The following EXOC3L1 variants were observed in gnomAD, a reference collection of about 807,000 sequenced individuals.
The protein encoded by EXOC3L1 is exocyst complex component 3 like 1.
Under a neutral mutation model 83.6 loss-of-function variants are expected in EXOC3L1, and 79 were observed. That is an observed-to-expected ratio of 0.95 (90% CI 0.79 to 1.14). EXOC3L1 has a LOEUF of 1.14. EXOC3L1 is among the 50% of genes most tolerant of loss of function. EXOC3L1 has a pLI of 0.00. For missense variants in EXOC3L1, 945 were observed against 972.0 expected (o/e 0.97, Z 0.37); for synonymous variants, 433 against 451.2 (o/e 0.96, Z 0.51).
rs755869767 is a variant in EXOC3L1 at position 67,185,198 on chromosome 16, C to T, written c.1687G>A (p.Val563Met). 1 of 1,613,204 alleles carries T rather than the reference C, an allele frequency of 6.2e-7. No homozygotes were observed. The highest frequency in any genetic ancestry group is 1.7e-5 in the Admixed American group (1 of 60,002). Residue 563 changes from valine (V) to methionine (M), a missense_variant, in exon 11 of 14, where the codon GTG becomes ATG. Coordinates refer to ENST00000314586, the MANE Select transcript of EXOC3L1 (RefSeq NM_178516.4). ...CAGAAGCGCCCCGTCCGTTCACACACACTTTGCAGGAGCTCAGGGCTCGAC... is the reference window on the plus strand; with the variant it reads ...CAGAAGCGCCCCGTCCGTTCACACATACTTTGCAGGAGCTCAGGGCTCGAC... The part of the protein sequence containing the change: ...WLSSPELLQS[V>M]CERTGRFCRD...
At position 67,184,825 on chromosome 16, in the gene EXOC3L1, G is replaced by A. The variant is rs771969854; in HGVS notation, c.1906-15C>T. 2 of 1,604,868 alleles carry A rather than the reference G, an allele frequency of 1.2e-6. No homozygotes were observed. The highest frequency in any genetic ancestry group is 1.7e-6 in the Non-Finnish European group (2 of 1,179,708). On this transcript the variant is annotated splice_polypyrimidine_tract_variant and intron_variant, in intron 12 of 13. Coordinates refer to ENST00000314586, the MANE Select transcript of EXOC3L1 (RefSeq NM_178516.4). Reference sequence around the variant, plus strand: ...TCCTCCAGGCCCTGAGCACGTCGGGGTAGGGTCTCGCGCCAGCCCTCTCTC... The same window carrying A: ...TCCTCCAGGCCCTGAGCACGTCGGGATAGGGTCTCGCGCCAGCCCTCTCTC...
At position 67,187,725 on chromosome 16, in the gene EXOC3L1, C is replaced by A. The variant is rs1006068468; in HGVS notation, c.540G>T (p.Leu180=). The A allele has an allele frequency of 1.2e-6, 2 of 1,613,074 alleles. No individual in the cohort carries two copies. Among genetic ancestry groups the A allele is most frequent in the South Asian group, 2.2e-5 (2 of 91,088 alleles). ...EQLREDTWAP[L]GGLELPVFQG... ...GGAAGACTGGCAACTCCAGGCCCCC[C>A]AGGGGTGCCCACGTATCCTCTCGCA... Residue 180 remains leucine (L), a synonymous_variant, in exon 5 of 14, where the codon CTG becomes CTT. Transcript: ENST00000314586.
chr16:67,186,681 T>A, intron 7 of EXOC3L1, 24 bp from the exon 8 acceptor site: 1 of 1,613,640 alleles, frequency 6.2e-7, no homozygotes, highest in East Asian at 2.2e-5. Flanking sequence ...TGAGCAGCCA[T>A]CGGCAAAGCC....
At chr16:67,184,853 A>G (rs200200061) in intron 12 of EXOC3L1, 43 bp from the exon 13 acceptor site, 1 of 1,606,632 alleles carries the variant, frequency 6.2e-7, no homozygotes, top group South Asian at 1.1e-5. Flanking sequence ...CCTCTCTCCC[A>G]CCCAGCCACT....
intron 2 of EXOC3L1, 108 bp from the exon 3 acceptor site, chr16:67,189,288 G>C: frequency 1.6e-6 from 2 of 1,218,374 alleles, no homozygotes; most frequent in South Asian, 3.8e-5. Context: ...TTGTTTATTT[G>C]TTTATTGAGA....
At position 67,189,011 on chromosome 16, in the gene EXOC3L1, CA is replaced by C. The variant is rs2032809439; in HGVS notation, c.207+8del. 4 of 1,603,990 alleles carry C rather than the reference CA, an allele frequency of 2.5e-6. No individual in the cohort carries two copies. Among genetic ancestry groups the C allele is most frequent in the Non-Finnish European group, 3.4e-6 (4 of 1,173,490 alleles). Reference sequence around the variant, plus strand: ...GTCCCAGCACCCGCACCCCCTGCCCCATGCCCACCTTGAGGCGCGATTCCAG... The same window carrying C: ...GTCCCAGCACCCGCACCCCCTGCCCCTGCCCACCTTGAGGCGCGATTCCAG... On this transcript the variant is annotated splice_region_variant and intron_variant, in intron 3 of 13. Transcript: ENST00000314586.
chr16:67,184,954 G>C lies in EXOC3L1; in HGVS notation c.1853C>G (p.Ala618Gly), dbSNP rs2032647295. ...CRGADERTQA[A>G]ERLRHDAAQL... Reference sequence around the variant, plus strand: ...GGCAGCATCGTGCCGCAGGCGCTCGGCCGCCTGGGTCCTCTCGTCGGCTCC... The same window carrying C: ...GGCAGCATCGTGCCGCAGGCGCTCGCCCGCCTGGGTCCTCTCGTCGGCTCC... Residue 618 changes from alanine to glycine, a missense_variant, in exon 12 of 14, where the codon GCC becomes GGC. Physicochemically the swap from Ala to Gly is moderately conservative, Grantham distance 60. Coordinates refer to ENST00000314586, the MANE Select transcript of EXOC3L1 (RefSeq NM_178516.4). The C allele has an allele frequency of 6.2e-7, 1 of 1,610,768 alleles. No individual in the cohort carries two copies. Among genetic ancestry groups the C allele is most frequent in the African/African-American group, 1.3e-5 (1 of 74,848 alleles).
At position 67,187,478 on chromosome 16, in the gene EXOC3L1, A is replaced by C; in HGVS notation, c.787T>G (p.Ser263Ala). 6.2e-7 allele frequency: 1 copy of C among 1,606,296 alleles called. No individual in the cohort carries two copies. Among genetic ancestry groups the C allele is most frequent in the Non-Finnish European group, 8.5e-7 (1 of 1,179,520 alleles). ...GCCCCTGGTGCAGGCAGCAGAGGTG[A>C]CCCAAAGTGGGCCTGCTCCAGGCCC... ...QEGLEQAHFG[S>A]PLLPAPGALP... is the part of the protein sequence containing the mutation. Residue 263 changes from serine to alanine, a missense_variant, in exon 5 of 14, where the codon TCA (serine) becomes GCA (alanine). Transcript: ENST00000314586.
chr16:67,185,591 C>T, intron 9 of EXOC3L1, 101 bp from the exon 10 acceptor site: 2 of 1,102,826 alleles, frequency 1.8e-6, no homozygotes, highest in Middle Eastern at 2.8e-4. Flanking sequence ...AAGTGTTTGA[C>T]GGGAGGGAGC....
At chr16:67,186,201 T>A (rs2032716480) in intron 9 of EXOC3L1, 36 bp downstream of exon 9, 1 of 1,388,366 alleles carries the variant, frequency 7.2e-7, no homozygotes, top group African/African-American at 1.4e-5. Flanking sequence ...AATAGGGGGT[T>A]AGTGAAGGTG....
rs1221332898 is a variant in EXOC3L1 at position 67,185,272 on chromosome 16, C to T, written c.1627-14G>A. Reference sequence around the variant, plus strand: ...CGCGAACAGGGGCTGGGGAAATGATCCAGATCTGGCATTGCCGCGGAGACC... The same window carrying T: ...CGCGAACAGGGGCTGGGGAAATGATTCAGATCTGGCATTGCCGCGGAGACC... On this transcript the variant is annotated splice_polypyrimidine_tract_variant and intron_variant, in intron 10 of 13. Transcript: ENST00000314586. The T allele has an allele frequency of 1.9e-6, 3 of 1,613,326 alleles. No individual in the cohort carries two copies. The Admixed American group carries it at 5.0e-5, about 27-fold the overall frequency.
rs1339849078 is a variant in EXOC3L1, at chr16:67,187,637, C to T, written c.628G>A (p.Gly210Arg). Residue 210 changes from glycine (G) to arginine (R), a missense_variant, in exon 5 of 14, where the codon GGG (glycine) becomes AGG (arginine). Coordinates refer to ENST00000314586, the MANE Select transcript of EXOC3L1 (RefSeq NM_178516.4). ...GCTGGGTCCTCCCGTGCCAGCTTCC[C>T]TGCGGCCCCTGCAGCTGCTTCCACA... ...QAVEAAAGAA[G>R]KLAREDPALL... The T allele has an allele frequency of 6.2e-6, 10 of 1,609,696 alleles. No individual in the cohort carries two copies. In the South Asian group the frequency reaches 9.9e-5, roughly 16 times the overall value.
chr16:67,186,915 T>C (rs768397356), intron 6 of EXOC3L1, 31 bp from the exon 7 acceptor site: 2 of 1,613,296 alleles, frequency 1.2e-6, no homozygotes, highest in South Asian at 2.2e-5. Context: ...CAAAGGAATG[T>C]AGCAGGGATC....
intron 4 of EXOC3L1, 126 bp from the exon 5 acceptor site, chr16:67,187,963 G>T (rs576220088): frequency 1.5e-6 from 2 of 1,304,312 alleles, no homozygotes; most frequent in East Asian, 2.5e-5. Flanking sequence ...AGTAGAGTAA[G>T]CTGGGCACAG....
chr16:67,189,001 C>A lies in EXOC3L1; in HGVS notation c.207+19G>T, dbSNP rs552845336. Reference sequence around the variant, plus strand: ...CTGCAGCACAGTCCCAGCACCCGCACCCCCTGCCCCATGCCCACCTTGAGG... The same window carrying A: ...CTGCAGCACAGTCCCAGCACCCGCAACCCCTGCCCCATGCCCACCTTGAGG... On this transcript the variant is annotated intron_variant, in intron 3 of 13. Transcript: ENST00000314586. The A allele has an allele frequency of 1.9e-6, 3 of 1,603,698 alleles. No homozygotes were observed. Among genetic ancestry groups the A allele is most frequent in the South Asian group, 1.1e-5 (1 of 90,644 alleles).
At chr16:67,186,406 A>C (rs1423128147) in intron 8 of EXOC3L1, 59 bp from the exon 9 acceptor site, 1 of 1,434,080 alleles carries the variant, frequency 7.0e-7, no homozygotes, top group East Asian at 2.5e-5. Context: ...CCACAGCCCC[A>C]GTCCCTGGTA....
chr16:67,188,739 G>A lies in EXOC3L1; in HGVS notation c.409C>T (p.Leu137=). Residue 137 remains leucine (L), a synonymous_variant, in exon 4 of 14, where the codon CTG becomes TTG. Coordinates refer to ENST00000314586, the MANE Select transcript of EXOC3L1 (RefSeq NM_178516.4). The part of the protein sequence containing the change: ...HKQLQALSHL[L]PRLRAVPAAV... ...TGCTCACCTGCCCGCAGCCGAGGCA[G>A]CAGGTGAGACAGGGCCTGCAGTTGC... 1 of 1,611,090 alleles carries A rather than the reference G, an allele frequency of 6.2e-7. No individual in the cohort carries two copies. Among genetic ancestry groups the A allele is most frequent in the Non-Finnish European group, 8.5e-7 (1 of 1,178,718 alleles).
chr16:67,185,417 C>G lies in EXOC3L1; in HGVS notation c.1570G>C (p.Glu524Gln). The G allele has an allele frequency of 6.2e-7, 1 of 1,612,400 alleles. No individual in the cohort carries two copies. The change falls in exon 10 of 14, where the codon GAG (glutamate) becomes CAG (glutamine). Residue 524 changes from glutamate to glutamine, a missense_variant. Coordinates refer to ENST00000314586, the MANE Select transcript of EXOC3L1 (RefSeq NM_178516.4). The part of the protein sequence containing the change: ...ALAPVEAALD[E>Q]LQRRIYRLVL... ...AAGCGGTAGATCCTCCTCTGCAACT[C>G]GTCCAGCGCAGCTTCCACTGGAGCC...
chr16:67,185,061 C>T lies in EXOC3L1; in HGVS notation c.1750-4G>A, dbSNP rs62057953. ...GCTCGGCCTCAGCCAGCAGCAGCTG[C>T]GGGGAGGCAATCAGGCGGGTGCAGG... On this transcript the variant is annotated splice_polypyrimidine_tract_variant and splice_region_variant and intron_variant, in intron 11 of 13. Transcript: ENST00000314586. 1.9e-6 allele frequency: 3 copies of T among 1,610,124 alleles called. No individual in the cohort carries two copies. The highest frequency in any genetic ancestry group is 1.7e-6 in the Non-Finnish European group (2 of 1,178,114).
Sources: allele counts gnomAD v4.1 joint callset, GRCh38; gene constraint gnomAD v4.1.1; transcripts MANE v1.5; gene names NCBI Gene and HGNC (gene_info 2026-07-23, HGNC 2026-07-21).